LTF: variants seen among roughly 807,000 people sequenced by gnomAD.
LTF encodes lactotransferrin, also known as epididymis luminal protein 110.
In LTF, 91 loss-of-function variants were observed where a neutral mutation model predicts 87.2. The observed-to-expected ratio is 1.04, with a 90% confidence interval of 0.88 to 1.24. The LOEUF is 1.24. LTF is among the 50% of genes most tolerant of loss of function. The pLI, the probability that LTF is intolerant of heterozygous loss-of-function variation, is 0.00. For synonymous variants in LTF, 378 were observed against 356.1 expected (o/e 1.06, Z -0.69); for missense variants, 901 against 904.3 (o/e 1.00, Z 0.05).
chr3:46,450,808 G>A, intron 6 of LTF, 135 bp from the exon 7 acceptor site: 1 of 737,414 alleles, frequency 1.4e-6, no homozygotes, highest in Non-Finnish European at 2.3e-6. Context: ...AGAAAGGCAG[G>A]GGTTTGCTCC....
At chr3:46,464,747 C>T in intron 1 of LTF, 78 bp downstream of exon 1, 3 of 1,544,532 alleles carry the variant, frequency 1.9e-6, no homozygotes, top group Non-Finnish European at 2.7e-6. Flanking sequence ...CAACCGGACA[C>T]AGGGACCAAA....
chr3:46,468,502 C>T (rs1204409548), upstream of LTF, among the ~76,000 whole-genome samples: 1 of 152,198 alleles, frequency 6.6e-6, no homozygotes, highest in Non-Finnish European at 1.5e-5. Context: ...CAAAACTCCT[C>T]CAGGGAGCCT....
chr3:46,463,899 C>A (rs1005565561), intron 1 of LTF, among the ~76,000 whole-genome samples: 3 of 152,208 alleles, frequency 2.0e-5, no homozygotes, highest in African/African-American at 7.2e-5. Flanking sequence ...TGGGTTTGGG[C>A]TCCCACTGCT....
At chr3:46,443,903 G>C (rs1319293129) in intron 12 of LTF, among the ~76,000 whole-genome samples, 4 of 152,184 alleles carry the variant, frequency 2.6e-5, no homozygotes, top group Non-Finnish European at 5.9e-5. Context: ...AGCAGAGCCT[G>C]TGAGTTGCCT....
rs566156571 is a variant in LTF, at chr3:46,459,544, G to A, written c.207+112C>T. The A allele has an allele frequency of 1.3e-4, 138 of 1,094,404 alleles. 1 individual carries two copies. In the African/African-American group the frequency reaches 1.4e-3, roughly 11 times the overall value. The allele number at this position is 1,094,404 out of a possible 1,614,324, so 67.8% of individuals were successfully genotyped here. A position where few individuals can be genotyped will look rare whatever the true frequency, so the allele number is the denominator to read the frequency against. ...GTGAGAGAGGACGGCTCCCCACTTCGTTGCCCAACAGGTGAAGCAGAGGAA... is the reference window on the plus strand; with the variant it reads ...GTGAGAGAGGACGGCTCCCCACTTCATTGCCCAACAGGTGAAGCAGAGGAA... On this transcript the variant is annotated intron_variant, in intron 2 of 16. Coordinates refer to ENST00000231751, the MANE Select transcript of LTF (RefSeq NM_002343.6).
At chr3:46,464,716 C>T in intron 1 of LTF, 109 bp downstream of exon 1, 1 of 1,208,796 alleles carries the variant, frequency 8.3e-7, no homozygotes, top group Non-Finnish European at 1.2e-6. Context: ...GACCGCGGGG[C>T]GCAGAGACCC....
In LTF at chr3:46,447,496, C is replaced by G. The variant is rs899309919; in HGVS notation, c.1213-98G>C. 3 of 834,266 alleles carry G rather than the reference C, an allele frequency of 3.6e-6. No homozygotes were observed. In the Admixed American group the frequency reaches 5.2e-5, roughly 15 times the overall value. The allele number at this position is 834,266 out of a possible 1,614,324, so 51.7% of individuals were successfully genotyped here. On this transcript the variant is annotated intron_variant, in intron 9 of 16. Transcript: ENST00000231751. ...GAGAGAATGGTTTTCTGTCAGGTGA[C>G]CAGTGAAACAGCAGAAAGAGATGGA...
upstream of LTF, chr3:46,464,927 C>T (rs1703177516): frequency 2.6e-6 from 4 of 1,561,438 alleles, no homozygotes; most frequent in South Asian, 2.2e-5. Context: ...CTGCCCTGCG[C>T]CCCTTTATTC....
At chr3:46,443,756 C>T (rs1702579488) in intron 12 of LTF, among the ~76,000 whole-genome samples, 174 bp from the exon 13 acceptor site, 1 of 152,162 alleles carries the variant, frequency 6.6e-6, no homozygotes, top group Non-Finnish European at 1.5e-5. Context: ...TAGGACCCAC[C>T]AGAAAAGCTT....
chr3:46,446,802 A>C (rs572072825), intron 10 of LTF, among the ~76,000 whole-genome samples: 26 of 152,370 alleles, frequency 1.7e-4, no homozygotes, highest in African/African-American at 6.0e-4. Context: ...GATGAAAAGC[A>C]TAACGATGAG....
chr3:46,468,091 A>C (rs1181559335), upstream of LTF, among the ~76,000 whole-genome samples: 1 of 152,210 alleles, frequency 6.6e-6, no homozygotes, highest in Non-Finnish European at 1.5e-5. Flanking sequence ...GCACTTGATG[A>C]TCAATATCGG....
At position 46,456,045 on chromosome 3, in the gene LTF, G is replaced by A. The variant is rs1702921526; in HGVS notation, c.317-67C>T. On this transcript the variant is annotated intron_variant, in intron 3 of 16. Coordinates refer to ENST00000231751, the MANE Select transcript of LTF (RefSeq NM_002343.6). The stretch of plus-strand genomic sequence containing the variant: ...AAGAGGGACAAAAACAACCCATCCT[G>A]AAAAGTCTCCGGTGGGAAGGGGGAA... 35 of 1,406,054 alleles carry A rather than the reference G, an allele frequency of 2.5e-5. No individual in the cohort carries two copies. In the South Asian group the frequency reaches 3.8e-4, roughly 15 times the overall value. The allele number at this position is 1,406,054 out of a possible 1,614,324, so 87.1% of individuals were successfully genotyped here. A position where few individuals can be genotyped will look rare whatever the true frequency, so the allele number is the denominator to read the frequency against.
intron 10 of LTF, 83 bp from the exon 11 acceptor site, chr3:46,446,576 G>C: frequency 8.3e-7 from 1 of 1,207,374 alleles, no homozygotes; most frequent in Non-Finnish European, 1.2e-6. Context: ...CAATGATGCA[G>C]AATCAAATCC....
At position 46,447,368 on chromosome 3, in the gene LTF, C is replaced by G; in HGVS notation, c.1243G>C (p.Gly415Arg). Residue 415 changes from glycine (G) to arginine (R), a missense_variant, in exon 10 of 17, where the codon GGA becomes CGA. Transcript: ENST00000231751. ...KGEADAMSLD[G>R]GYVYTAGKCG... is the part of the protein sequence containing the mutation. ...TTGCCTGCAGTGTACACATATCCTC[C>G]ATCCAAACTCATGGCATCAGCTTCT... 6.2e-7 allele frequency: 1 copy of G among 1,614,150 alleles called. No individual in the cohort carries two copies. The highest frequency in any genetic ancestry group is 8.5e-7 in the Non-Finnish European group (1 of 1,179,984).
At chr3:46,452,542 G>T (rs1390963904) in intron 6 of LTF, among the ~76,000 whole-genome samples, 2 of 152,186 alleles carry the variant, frequency 1.3e-5, no homozygotes, top group Non-Finnish European at 2.9e-5. Context: ...ATTTGAAAAG[G>T]AATAATAAAG....
intron 14 of LTF, among the ~76,000 whole-genome samples, chr3:46,440,065 G>A (rs1379298816): frequency 6.6e-6 from 1 of 152,238 alleles, no homozygotes; most frequent in African/African-American, 2.4e-5. Context: ...TTTATGGGAG[G>A]ATACAAGCGT....
At chr3:46,472,529 A>T (rs35721456) in intron 1 of LTF, among the ~76,000 whole-genome samples, 37,649 of 101,504 alleles carry the variant, frequency 0.37, 5,583 homozygotes, top group South Asian at 0.45. Context: ...TGTGTGTGTG[A>T]GAGAGAGAGA....
chr3:46,450,140 A>C, intron 7 of LTF, 112 bp from the exon 8 acceptor site: 2 of 899,364 alleles, frequency 2.2e-6, no homozygotes, highest in South Asian at 3.5e-5. Context: ...TGAGAGCAGG[A>C]GCCTCGGTTG....
chr3:46,449,018 C>T lies in LTF; in HGVS notation c.1058-1G>A, dbSNP rs532934740. On this transcript the variant is annotated splice_acceptor_variant, in intron 8 of 16. Transcript: ENST00000231751. LOFTEE classifies it high-confidence loss of function. Reference sequence around the variant, plus strand: ...CGCCGGGCAGCCACTTCCTCCTCACCTGCCAGAGGGAAGACCGCAGGTGGC... The same window carrying T: ...CGCCGGGCAGCCACTTCCTCCTCACTTGCCAGAGGGAAGACCGCAGGTGGC... The T allele has an allele frequency of 8.7e-6, 14 of 1,605,536 alleles. No homozygotes were observed.
Sources: allele counts gnomAD v4.1 joint callset (sites outside exome capture counted in the v4.1 genomes callset), GRCh38; gene constraint gnomAD v4.1.1; transcripts MANE v1.5; gene names NCBI Gene and HGNC (gene_info 2026-07-23, HGNC 2026-07-21).